The following RNF138 variants were observed in gnomAD, a reference collection of about 807,000 sequenced individuals.
RNF138 encodes E3 ubiquitin-protein ligase RNF138.
In RNF138, 12 loss-of-function variants were observed where a neutral mutation model predicts 31.0. The ratio of observed to expected loss-of-function variants is 0.39; its 90% CI spans 0.25 to 0.63. The LOEUF (loss-of-function observed/expected upper bound fraction) is 0.63, where lower values mean the gene tolerates loss of function less well. Among genes scored for constraint, RNF138 ranks in the 20% least tolerant of loss-of-function variants. The pLI is 0.52. For synonymous variants in RNF138, 105 were observed against 99.5 expected (o/e 1.06, Z -0.33); for missense variants, 192 against 300.1 (o/e 0.64, Z 2.66).
intron 7 of RNF138, among the ~76,000 whole-genome samples, chr18:32,128,870 C>T (rs2040426692): frequency 6.6e-6 from 1 of 151,008 alleles, no homozygotes; most frequent in East Asian, 1.9e-4. Context: ...AAATTTTGTT[C>T]TGTGATGATC....
intron 2 of RNF138, among the ~76,000 whole-genome samples, chr18:32,105,756 C>T (rs1004345785): frequency 6.6e-6 from 1 of 152,126 alleles, no homozygotes; most frequent in African/African-American, 2.4e-5. Context: ...ATTTCCATAT[C>T]GGAAGACCAC....
chr18:32,124,586 A>G (rs552205496), intron 5 of RNF138, 148 bp from the exon 6 acceptor site: 7 of 591,422 alleles, frequency 1.2e-5, no homozygotes, highest in African/African-American at 1.1e-4. Context: ...TCATTTCCTG[A>G]ATACATATGT....
intron 2 of RNF138, among the ~76,000 whole-genome samples, chr18:32,110,982 G>A (rs1041289295): frequency 3.9e-5 from 6 of 152,096 alleles, no homozygotes; most frequent in African/African-American, 4.8e-5. Context: ...AGATTTCACC[G>A]TGGTAGCCAG....
intron 4 of RNF138, among the ~76,000 whole-genome samples, chr18:32,116,202 C>A (rs921568826): frequency 6.6e-6 from 1 of 152,132 alleles, no homozygotes; most frequent in South Asian, 2.1e-4. Flanking sequence ...ACACTTTTAC[C>A]AGTAATATCC....
intron 4 of RNF138, among the ~76,000 whole-genome samples, chr18:32,120,070 G>A (rs2040279286): frequency 6.6e-6 from 1 of 151,906 alleles, no homozygotes; most frequent in Admixed American, 6.6e-5. Context: ...TTGATTTATT[G>A]CATTGAATAG....
intron 4 of RNF138, among the ~76,000 whole-genome samples, chr18:32,121,250 C>G (rs1450037419): frequency 6.6e-6 from 1 of 152,106 alleles, no homozygotes; most frequent in Non-Finnish European, 1.5e-5. Flanking sequence ...AATCCCAGCA[C>G]TTTGGGAGGC....
At chr18:32,093,484 CTA>C (rs2039747075) in intron 2 of RNF138, among the ~76,000 whole-genome samples, 1 of 152,198 alleles carries the variant, frequency 6.6e-6, no homozygotes, top group African/African-American at 2.4e-5. Flanking sequence ...TTCCAGTCCA[CTA>C]TGTGTTAGAG....
intron 2 of RNF138, among the ~76,000 whole-genome samples, chr18:32,105,725 G>C (rs2040017504): frequency 6.6e-6 from 1 of 152,190 alleles, no homozygotes; most frequent in East Asian, 1.9e-4. Flanking sequence ...TTAGGAAAAG[G>C]CCATGTCTAA....
intron 2 of RNF138, among the ~76,000 whole-genome samples, chr18:32,104,334 C>G (rs1300733935): frequency 2.0e-5 from 3 of 151,906 alleles, no homozygotes; most frequent in Non-Finnish European, 2.9e-5. Flanking sequence ...AAAAAAAAAT[C>G]CTCATTAAGG....
chr18:32,109,708 A>G (rs1196373946), intron 2 of RNF138, among the ~76,000 whole-genome samples: 1 of 152,160 alleles, frequency 6.6e-6, no homozygotes, highest in Non-Finnish European at 1.5e-5. Flanking sequence ...AGCAACTGGC[A>G]AAATCCCATC....
At position 32,126,673 on chromosome 18, in the gene RNF138, A is replaced by T. The variant is rs1206855858; in HGVS notation, c.562-20A>T. 3.0e-6 allele frequency: 4 copies of T among 1,354,878 alleles called. No homozygotes were observed. Among genetic ancestry groups the T allele is most frequent in the Non-Finnish European group, 4.2e-6 (4 of 957,936 alleles). The allele number at this position is 1,354,878 out of a possible 1,614,324, so 83.9% of individuals were successfully genotyped here. On this transcript the variant is annotated intron_variant, in intron 6 of 7. Transcript: ENST00000261593. ...CATTGTTTTTATTATTTTTTGTTTA[A>T]AACAATCTGTTTCTTATAGACATGT...
intron 1 of RNF138, 35 bp from the exon 2 acceptor site, chr18:32,092,665 G>C (rs1489975786): frequency 1.4e-6 from 1 of 702,116 alleles, no homozygotes; most frequent in East Asian, 2.8e-5. Flanking sequence ...GCTGTATCCT[G>C]ATGCGATCCC....
At chr18:32,122,300 T>A (rs1325506026) in intron 4 of RNF138, 1 of 152,188 alleles carries the variant, frequency 6.6e-6, no homozygotes, top group Non-Finnish European at 1.5e-5. Flanking sequence ...CATTGTTGTA[T>A]ACACATTTAT....
intron 2 of RNF138, among the ~76,000 whole-genome samples, chr18:32,097,758 A>G (rs1299619879): frequency 1.3e-5 from 2 of 151,768 alleles, no homozygotes; most frequent in Admixed American, 1.3e-4. Flanking sequence ...CCTGCGCTCA[A>G]GTGATCTGCC....
chr18:32,105,069 C>A (rs1032180011), intron 2 of RNF138, among the ~76,000 whole-genome samples: 1 of 152,034 alleles, frequency 6.6e-6, no homozygotes, highest in Non-Finnish European at 1.5e-5. Flanking sequence ...TATAAAAATA[C>A]AAAATGAAAA....
At chr18:32,099,569 A>G (rs1406378528) in intron 2 of RNF138, among the ~76,000 whole-genome samples, 1 of 151,906 alleles carries the variant, frequency 6.6e-6, no homozygotes, top group East Asian at 1.9e-4. Flanking sequence ...TACCCGGCTA[A>G]TTTTTTTGTA....
chr18:32,097,287 C>A (rs2039826292), intron 2 of RNF138, among the ~76,000 whole-genome samples: 2 of 152,160 alleles, frequency 1.3e-5, no homozygotes, highest in African/African-American at 4.8e-5. Flanking sequence ...AAGTTTGATT[C>A]TTTGCTGAAC....
chr18:32,100,813 C>T (rs112923970), intron 2 of RNF138, among the ~76,000 whole-genome samples: 12,938 of 152,208 alleles, frequency 0.085, 623 homozygotes, highest in Non-Finnish European at 0.1. Flanking sequence ...CCATGTTGGC[C>T]GGGCTGGTCT....
At chr18:32,108,284 GATT>G (rs2040070163) in intron 2 of RNF138, among the ~76,000 whole-genome samples, 1 of 152,118 alleles carries the variant, frequency 6.6e-6, no homozygotes, top group Non-Finnish European at 1.5e-5. Context: ...TCAAGCAACA[GATT>G]ATTAGCATCC....
Sources: allele counts gnomAD v4.1 joint callset (sites outside exome capture counted in the v4.1 genomes callset), GRCh38; gene constraint gnomAD v4.1.1; transcripts MANE v1.5; gene names NCBI Gene and HGNC (gene_info 2026-07-23, HGNC 2026-07-21).